FNIP1: variants seen among roughly 807,000 people sequenced by gnomAD.
FNIP1 encodes the protein folliculin-interacting protein 1.
A neutral mutation model predicts 124.5 loss-of-function variants in FNIP1; 40 were observed. The ratio of observed to expected loss-of-function variants is 0.32; its 90% CI spans 0.25 to 0.42. FNIP1 has a LOEUF of 0.42. FNIP1 is among the 10% of genes least tolerant of loss of function. The pLI is 1.00. For missense variants in FNIP1, 1,176 were observed against 1,403.7 expected, an observed-to-expected ratio of 0.84 and a Z score of 2.59; for synonymous variants, 472 against 470.6, an observed-to-expected ratio of 1.00 and a Z score of -0.04.
intron 1 of FNIP1, among the ~76,000 whole-genome samples, chr5:131,787,210 G>A (rs1197403065): frequency 6.6e-6 from 1 of 152,172 alleles, no homozygotes; most frequent in African/African-American, 2.4e-5. Flanking sequence ...GATATAAACA[G>A]CACCGAGTTT....
At chr5:131,783,731 T>TGA (rs1159367941) in intron 1 of FNIP1, among the ~76,000 whole-genome samples, 1 of 152,148 alleles carries the variant, frequency 6.6e-6, no homozygotes, top group Non-Finnish European at 1.5e-5. Context: ...TTATGGCTTT[T>TGA]GACTTCTCAG....
At chr5:131,713,504 T>G (rs1227742557) in intron 6 of FNIP1, among the ~76,000 whole-genome samples, 1 of 152,182 alleles carries the variant, frequency 6.6e-6, no homozygotes, top group East Asian at 1.9e-4. Context: ...AACTAACTGG[T>G]CAACTTCTAT....
chr5:131,672,333 T>C lies in FNIP1; in HGVS notation c.2111A>G (p.Glu704Gly), dbSNP rs1341569883. ...CAGCAACTTCTCACTCTGCCATGTT[T>C]CCTCTGTTGACTCTAAGCCTGACTC... ...LSESGLESTE[E>G]TWQSEKLLDS... The change falls in exon 14 of 18, where the codon GAA (glutamate) becomes GGA (glycine). Residue 704 changes from glutamate to glycine, a missense_variant. Transcript: ENST00000510461. The C allele has an allele frequency of 1.2e-6, 2 of 1,614,092 alleles. No individual in the cohort carries two copies. Among genetic ancestry groups the C allele is most frequent in the Non-Finnish European group, 1.7e-6 (2 of 1,180,038 alleles).
chr5:131,786,589 G>A (rs544928771), intron 1 of FNIP1, among the ~76,000 whole-genome samples: 3 of 152,302 alleles, frequency 2.0e-5, no homozygotes, highest in Admixed American at 6.5e-5. Flanking sequence ...ATGTGTCCCC[G>A]AAGTTCACAT....
intron 2 of FNIP1, among the ~76,000 whole-genome samples, chr5:131,743,841 CA>C (rs1770589003): frequency 6.6e-6 from 1 of 152,112 alleles, no homozygotes; most frequent in Admixed American, 6.6e-5. Context: ...TTAAGGCACC[CA>C]GTCTACAGTA....
chr5:131,721,106 A>G (rs1464280254), intron 3 of FNIP1, among the ~76,000 whole-genome samples: 1 of 152,234 alleles, frequency 6.6e-6, no homozygotes, highest in African/African-American at 2.4e-5. Context: ...ATGCATGGAT[A>G]AATGAAATAT....
intron 1 of FNIP1, among the ~76,000 whole-genome samples, chr5:131,788,425 G>A (rs975723255): frequency 6.6e-6 from 1 of 152,116 alleles, no homozygotes; most frequent in African/African-American, 2.4e-5. Flanking sequence ...TCCCAGCACT[G>A]TGGGAGGCCA....
At chr5:131,712,176 C>A (rs1191611275) in intron 6 of FNIP1, among the ~76,000 whole-genome samples, 1 of 152,154 alleles carries the variant, frequency 6.6e-6, no homozygotes, top group Non-Finnish European at 1.5e-5. Context: ...ATTAAAAAAT[C>A]CTAAGTTCCT....
chr5:131,774,862 A>G (rs1771749776), intron 1 of FNIP1, among the ~76,000 whole-genome samples: 2 of 152,196 alleles, frequency 1.3e-5, no homozygotes, highest in Non-Finnish European at 2.9e-5. Flanking sequence ...CAAAGCTTCT[A>G]AAGTCAGACA....
At chr5:131,770,260 T>G (rs946269988) in intron 1 of FNIP1, among the ~76,000 whole-genome samples, 1 of 152,210 alleles carries the variant, frequency 6.6e-6, no homozygotes, top group African/African-American at 2.4e-5. Context: ...TGAACTCTTG[T>G]GTTGAGTTCA....
intron 1 of FNIP1, among the ~76,000 whole-genome samples, chr5:131,785,082 ATATATATGATATATATGAC>A (rs1772140079): frequency 4.9e-4 from 10 of 20,444 alleles, no homozygotes; most frequent in Non-Finnish European, 1.4e-3. Flanking sequence ...TATATGACAT[ATATATATGATATATATGAC>A]TATATATATA....
At chr5:131,648,197 A>T (rs903393519) in intron 16 of FNIP1, among the ~76,000 whole-genome samples, 2 of 149,512 alleles carry the variant, frequency 1.3e-5, no homozygotes, top group African/African-American at 4.9e-5. Context: ...AAAAAAAAGA[A>T]TTAGCCGAGC....
At chr5:131,732,553 G>C (rs7702607) in intron 2 of FNIP1, among the ~76,000 whole-genome samples, 12,467 of 152,202 alleles carry the variant, frequency 0.082, 1,081 homozygotes, top group African/African-American at 0.22. Context: ...CATATGGCTA[G>C]CCAGTTTTCC....
intron 1 of FNIP1, among the ~76,000 whole-genome samples, chr5:131,790,912 G>T (rs572449889): frequency 6.6e-6 from 1 of 152,208 alleles, no homozygotes. Context: ...AAGGAGGAGT[G>T]TAGATTAAGA....
chr5:131,672,926 T>A lies in FNIP1; in HGVS notation c.1520-2A>T, dbSNP rs781076149. 6.6e-7 allele frequency: 1 copy of A among 1,523,842 alleles called. No individual in the cohort carries two copies. Among genetic ancestry groups the A allele is most frequent in the Non-Finnish European group, 8.8e-7 (1 of 1,138,810 alleles). 94.4% of individuals were successfully genotyped at this position (1,523,842 alleles called of 1,614,324 possible). A position where few individuals can be genotyped will look rare whatever the true frequency, so the allele number is the denominator to read the frequency against. On this transcript the variant is annotated splice_acceptor_variant, in intron 13 of 17. Transcript: ENST00000510461. LOFTEE classifies it high-confidence loss of function. Reference sequence around the variant, plus strand: ...AGCCAATAGCGCCATACAAGTCTCCTGTAATGGAAAAAATCAGTTATTGGA... The same window carrying A: ...AGCCAATAGCGCCATACAAGTCTCCAGTAATGGAAAAAATCAGTTATTGGA...
intron 1 of FNIP1, among the ~76,000 whole-genome samples, chr5:131,761,551 C>A (rs1044687525): frequency 7.9e-5 from 12 of 151,918 alleles, no homozygotes; most frequent in African/African-American, 2.4e-4. Context: ...GGAACTTCAC[C>A]AAAGAAGTGA....
chr5:131,755,236 C>T (rs1224889007), intron 1 of FNIP1, among the ~76,000 whole-genome samples: 1 of 152,060 alleles, frequency 6.6e-6, no homozygotes, highest in Non-Finnish European at 1.5e-5. Flanking sequence ...GCCTGGCCAA[C>T]ATGGCAAAAC....
intron 1 of FNIP1, among the ~76,000 whole-genome samples, chr5:131,767,235 C>T (rs1322106052): frequency 6.6e-6 from 1 of 151,616 alleles, no homozygotes; most frequent in African/African-American, 2.4e-5. Flanking sequence ...AGATCAAGAC[C>T]ATCCTGGCCA....
At chr5:131,767,057 G>A (rs1004813585) in intron 1 of FNIP1, among the ~76,000 whole-genome samples, 1 of 152,060 alleles carries the variant, frequency 6.6e-6, no homozygotes. Context: ...GTCAGGCTGA[G>A]ACCTAACATT....
Sources: gnomAD v4.1 joint callset for allele counts (sites outside exome capture counted in the v4.1 genomes callset) on GRCh38, gnomAD v4.1.1 for gene constraint, MANE v1.5 for transcripts, NCBI Gene and HGNC (gene_info 2026-07-23, HGNC 2026-07-21) for gene names.